Variants in ACACB observed in about 807,000 individuals in gnomAD.
ACACB encodes the protein acetyl-CoA carboxylase beta.
In ACACB, 209 loss-of-function variants were observed where a neutral mutation model predicts 278.8. The observed-to-expected ratio is 0.75, with a 90% CI of 0.67 to 0.84. The LOEUF is 0.84. Ranked by LOEUF, ACACB falls within the 40% of genes least tolerant of loss-of-function variation. The pLI, the probability that ACACB is intolerant of heterozygous loss-of-function variation, is 0.00. For missense variants in ACACB, 2,850 were observed against 3,269.0 expected (o/e 0.87, Z 3.13); for synonymous variants, 1,174 against 1,285.6 (o/e 0.91, Z 1.86).
At chr12:109,237,654 G>T (rs1460563763) in intron 34 of ACACB, among the ~76,000 whole-genome samples, 2 of 152,140 alleles carry the variant, frequency 1.3e-5, no homozygotes, top group African/African-American at 2.4e-5. Context: ...ATACTGGTTT[G>T]TTCAGGGAAT....
intron 22 of ACACB, among the ~76,000 whole-genome samples, chr12:109,213,799 A>G (rs972892452): frequency 6.6e-6 from 1 of 151,774 alleles, no homozygotes; most frequent in Non-Finnish European, 1.5e-5. Flanking sequence ...ATGGAGTTTC[A>G]TCATGTTAGC....
Position 109,179,308 on chromosome 12 carries a change from C to T in ACACB, c.1647+11C>T. Reference sequence around the variant, plus strand: ...GAGTTCATGGAGCAGGTACACTTCTCAGAGCCCAGGGGGCAGCTTCAGAGA... The same window carrying T: ...GAGTTCATGGAGCAGGTACACTTCTTAGAGCCCAGGGGGCAGCTTCAGAGA... On this transcript the variant is annotated intron_variant, in intron 10 of 52. Coordinates refer to ENST00000338432, the MANE Select transcript of ACACB (RefSeq NM_001093.4). 6.2e-7 allele frequency: 1 copy of T among 1,610,938 alleles called. No individual in the cohort carries two copies. Among genetic ancestry groups the T allele is most frequent in the South Asian group, 1.1e-5 (1 of 90,532 alleles).
intron 24 of ACACB, among the ~76,000 whole-genome samples, chr12:109,222,006 G>A (rs2046179349): frequency 6.6e-6 from 1 of 151,280 alleles, no homozygotes; most frequent in Non-Finnish European, 1.5e-5. Flanking sequence ...TCCCACCTCA[G>A]CCTTCTGAGT....
At chr12:109,248,762 A>G (rs544206685) in intron 40 of ACACB, among the ~76,000 whole-genome samples, 1 of 152,346 alleles carries the variant, frequency 6.6e-6, no homozygotes, top group East Asian at 1.9e-4. Flanking sequence ...AACACCCTCA[A>G]AGACACACCC....
rs756278584 is a variant in ACACB at position 109,193,738 on chromosome 12, C to T, written c.2481+9C>T. ...TTAAGTACATTCTCAAGGTAAATGC[C>T]CCCGTGCCTCTCCGATGTCTCCAAC... On this transcript the variant is annotated intron_variant, in intron 16 of 52. Transcript: ENST00000338432. The T allele has an allele frequency of 6.2e-7, 1 of 1,606,402 alleles. No individual in the cohort carries two copies. The highest frequency in any genetic ancestry group is 1.3e-5 in the African/African-American group (1 of 74,862).
At chr12:109,135,464 T>C (rs1306371567) in intron 1 of ACACB, among the ~76,000 whole-genome samples, 1 of 152,006 alleles carries the variant, frequency 6.6e-6, no homozygotes, top group Non-Finnish European at 1.5e-5. Context: ...TCCCATTCTG[T>C]AGGTTATCTT....
Position 109,266,544 on chromosome 12 carries a change from C to A in ACACB, c.*182C>A. ...ACAAAAGGCCCAGGAGTGCCTCTTC[C>A]AAACAAAAACAGCCTCCTCTCCATA... On this transcript the variant is annotated 3_prime_UTR_variant, in exon 53 of 53. Coordinates refer to ENST00000338432, the MANE Select transcript of ACACB (RefSeq NM_001093.4). 1 of 601,200 alleles carries A rather than the reference C, an allele frequency of 1.7e-6. No individual in the cohort carries two copies. The highest frequency in any genetic ancestry group is 2.5e-6 in the Non-Finnish European group (1 of 394,808). The allele number at this position is 601,200 out of a possible 1,614,324, so 37.2% of individuals were successfully genotyped here.
chr12:109,205,811 G>A (rs1186140336), intron 19 of ACACB, among the ~76,000 whole-genome samples: 1 of 152,000 alleles, frequency 6.6e-6, no homozygotes, highest in Non-Finnish European at 1.5e-5. Context: ...GATGGGTGTG[G>A]GTGGAGGGGT....
chr12:109,262,165 G>A (rs2047395459), intron 48 of ACACB, among the ~76,000 whole-genome samples, 192 bp from the exon 49 acceptor site: 1 of 152,144 alleles, frequency 6.6e-6, no homozygotes, highest in East Asian at 1.9e-4. Flanking sequence ...TTCCATCTGT[G>A]GGTAAAGATA....
At position 109,191,857 on chromosome 12, in the gene ACACB, C is replaced by A. The variant is rs372425748; in HGVS notation, c.2306C>A (p.Pro769Gln). 2 of 1,614,140 alleles carry A rather than the reference C, an allele frequency of 1.2e-6. No homozygotes were observed. Among genetic ancestry groups the A allele is most frequent in the Non-Finnish European group, 1.7e-6 (2 of 1,180,024 alleles). ...LIAEKVQAEK[P>Q]DIMLGVVCGA... is the part of the protein sequence containing the mutation. ...TGCATTTTCTCCTAGGCGGAGAAACCGGATATCATGCTTGGGGTGGTATGC... is the reference window on the plus strand; with the variant it reads ...TGCATTTTCTCCTAGGCGGAGAAACAGGATATCATGCTTGGGGTGGTATGC... The change falls in exon 15 of 53, where the codon CCG becomes CAG. Residue 769 changes from proline to glutamine, a missense_variant. Pro to Gln is a moderately conservative substitution (Grantham distance 76, BLOSUM62 -1). Coordinates refer to ENST00000338432, the MANE Select transcript of ACACB (RefSeq NM_001093.4).
At chr12:109,252,857 T>C (rs1468593858) in intron 42 of ACACB, among the ~76,000 whole-genome samples, 158 bp from the exon 43 acceptor site, 1 of 152,182 alleles carries the variant, frequency 6.6e-6, no homozygotes, top group African/African-American at 2.4e-5. Flanking sequence ...AAGATTCTGA[T>C]ATAATTGGTC....
chr12:109,239,785 C>G, intron 34 of ACACB, 45 bp from the exon 35 acceptor site: 1 of 1,554,822 alleles, frequency 6.4e-7, no homozygotes, highest in Non-Finnish European at 8.7e-7. Flanking sequence ...TGGGAGTAGG[C>G]CTGCACCCCT....
chr12:109,242,309 CACTTT>C (rs1464235927), intron 36 of ACACB, 123 bp from the exon 37 acceptor site: 2 of 1,052,770 alleles, frequency 1.9e-6, no homozygotes, highest in African/African-American at 1.6e-5. Context: ...CCCAGGCACT[CACTTT>C]GTCATGCCAT....
chr12:109,254,558 G>C (rs1033724384), intron 44 of ACACB, among the ~76,000 whole-genome samples: 19 of 152,224 alleles, frequency 1.2e-4, no homozygotes, highest in Non-Finnish European at 2.6e-4. Context: ...ACAGCCTCCA[G>C]TTTCTGGAGC....
chr12:109,213,695 C>T (rs1024640172), intron 22 of ACACB, among the ~76,000 whole-genome samples: 1 of 151,822 alleles, frequency 6.6e-6, no homozygotes, highest in African/African-American at 2.4e-5. Context: ...CCCGGGTTCA[C>T]GCCATTCTTC....
intron 19 of ACACB, 106 bp downstream of exon 19, chr12:109,201,807 C>G: frequency 7.0e-7 from 1 of 1,430,546 alleles, no homozygotes; most frequent in South Asian, 1.4e-5. Flanking sequence ...CTTCTCCTGC[C>G]TCCACCTGCA....
chr12:109,201,821 A>T, intron 19 of ACACB, 120 bp downstream of exon 19: 1 of 1,370,464 alleles, frequency 7.3e-7, no homozygotes, highest in African/African-American at 1.4e-5. Context: ...ACCTGCAGAC[A>T]GAGCTCGTCG....
chr12:109,140,194 A>G (rs1296936814), intron 2 of ACACB, 136 bp downstream of exon 2: 2 of 759,146 alleles, frequency 2.6e-6, no homozygotes, highest in Admixed American at 3.7e-5. Flanking sequence ...CAAAAGGAGA[A>G]GACACGAGCC....
At chr12:109,227,318 GCA>G in intron 27 of ACACB, 51 bp from the exon 28 acceptor site, 2 of 1,515,904 alleles carry the variant, frequency 1.3e-6, no homozygotes, top group South Asian at 1.2e-5. Context: ...CAGCTTTTGA[GCA>G]CACTCTGCAG....
Sources: gnomAD v4.1 joint callset for allele counts (sites outside exome capture counted in the v4.1 genomes callset) on GRCh38, gnomAD v4.1.1 for gene constraint, MANE v1.5 for transcripts, NCBI Gene and HGNC (gene_info 2026-07-23, HGNC 2026-07-21) for gene names.